The following PBX3 variants were observed in gnomAD, a reference collection of about 807,000 sequenced individuals.
PBX3 encodes PBX homeobox 3, also known as pre-B-cell leukemia transcription factor 3.
A neutral mutation model predicts 48.5 loss-of-function variants in PBX3; 14 were observed. The ratio of observed to expected loss-of-function variants is 0.29; its 90% confidence interval spans 0.19 to 0.45. PBX3 has a LOEUF of 0.45. PBX3 is among the 20% of genes least tolerant of loss of function. PBX3 has a pLI of 1.00. For synonymous variants in PBX3, 210 were observed against 200.3 expected (o/e 1.05, Z -0.41); for missense variants, 386 against 546.7 (o/e 0.71, Z 2.93).
chr9:125,757,061 A>G (rs1021505919), intron 2 of PBX3, among the ~76,000 whole-genome samples: 1 of 152,198 alleles, frequency 6.6e-6, no homozygotes, highest in Non-Finnish European at 1.5e-5. Flanking sequence ...AAGCCCTGCA[A>G]ATAATTTATA....
intron 3 of PBX3, among the ~76,000 whole-genome samples, chr9:125,918,457 T>G (rs1044428657): frequency 6.6e-6 from 1 of 152,218 alleles, no homozygotes; most frequent in African/African-American, 2.4e-5. Flanking sequence ...TTTTGTTTGT[T>G]TGTTTTTTTA....
At chr9:125,790,175 G>A (rs1180727760) in intron 2 of PBX3, among the ~76,000 whole-genome samples, 2 of 152,144 alleles carry the variant, frequency 1.3e-5, no homozygotes. Context: ...CTGTGTATGA[G>A]GGAAAGATAA....
intron 5 of PBX3, among the ~76,000 whole-genome samples, chr9:125,947,770 A>G (rs2118743235): frequency 6.6e-6 from 1 of 152,294 alleles, no homozygotes; most frequent in African/African-American, 2.4e-5. Flanking sequence ...GTGTTCTCTA[A>G]GAGACATATG....
At chr9:125,795,259 T>C (rs1837745877) in intron 2 of PBX3, among the ~76,000 whole-genome samples, 1 of 152,234 alleles carries the variant, frequency 6.6e-6, no homozygotes, top group South Asian at 2.1e-4. Context: ...TATAGTAAGA[T>C]ATTAGCATCT....
At chr9:125,798,601 C>G (rs985035002) in intron 2 of PBX3, among the ~76,000 whole-genome samples, 1 of 152,062 alleles carries the variant, frequency 6.6e-6, no homozygotes, top group Non-Finnish European at 1.5e-5. Flanking sequence ...CTGGAAACTT[C>G]TAGAGGGAAG....
rs1840221890 is a variant in PBX3, at chr9:125,875,244, CAT to C, written c.275-40441_275-40440del. On this transcript the variant is annotated intron_variant, in intron 2 of 8. Transcript: ENST00000373489. ...TTCTGATTCTTCTCATTTCTTTATA[CAT>C]GTTTTGTTTTGTAATTGAAATAACT... 3.3e-5 allele frequency among the ~76,000 whole-genome samples: 5 copies of C among 152,080 alleles called. No homozygotes were observed. In the South Asian group the frequency reaches 1.0e-3, roughly 31 times the overall value.
At chr9:125,923,991 A>G (rs1207927272) in intron 3 of PBX3, among the ~76,000 whole-genome samples, 1 of 151,844 alleles carries the variant, frequency 6.6e-6, no homozygotes. Flanking sequence ...CAACCCCCCT[A>G]GTAGCTGGGA....
chr9:125,756,162 A>T (rs570084864), intron 2 of PBX3, among the ~76,000 whole-genome samples: 22 of 152,260 alleles, frequency 1.4e-4, no homozygotes, highest in African/African-American at 2.4e-4. Flanking sequence ...ATTCATGGTT[A>T]AACTGCCCTT....
intron 2 of PBX3, among the ~76,000 whole-genome samples, chr9:125,876,697 C>T (rs1197101932): frequency 6.6e-6 from 1 of 152,020 alleles, no homozygotes; most frequent in African/African-American, 2.4e-5. Flanking sequence ...TTCAGATTTT[C>T]AACTGTGTAG....
chr9:125,875,474 A>G (rs1313743290), intron 2 of PBX3, among the ~76,000 whole-genome samples: 2 of 152,132 alleles, frequency 1.3e-5, no homozygotes, highest in Admixed American at 6.5e-5. Context: ...GCAAAAAAGT[A>G]TGTCTTTTGA....
intron 2 of PBX3, among the ~76,000 whole-genome samples, chr9:125,909,071 T>G (rs1441750914): frequency 6.6e-6 from 1 of 152,160 alleles, no homozygotes; most frequent in Non-Finnish European, 1.5e-5. Context: ...TCCAACAAGA[T>G]GCAGCTCCAT....
rs1468420692 is a variant in PBX3, at chr9:125,898,598, C to T, written c.275-17088C>T. 2.0e-5 allele frequency among the ~76,000 whole-genome samples: 3 copies of T among 151,700 alleles called. No individual in the cohort carries two copies. The East Asian group carries it at 5.8e-4, about 29-fold the overall frequency. ...GAACGTATGGAACATCTAGCTCAGCCCTCTCATTTGATAGATGAGGGAAAT... is the reference window on the plus strand; with the variant it reads ...GAACGTATGGAACATCTAGCTCAGCTCTCTCATTTGATAGATGAGGGAAAT... On this transcript the variant is annotated intron_variant, in intron 2 of 8. Coordinates refer to ENST00000373489, the MANE Select transcript of PBX3 (RefSeq NM_006195.6).
In PBX3 at chr9:125,770,832, C is replaced by T. The variant is rs560959675; in HGVS notation, c.274+22209C>T. Among the ~76,000 whole-genome samples, 52 of 152,310 alleles carry T rather than the reference C, an allele frequency of 3.4e-4. 2 individuals carry two copies. The South Asian group carries it at 0.011, about 32-fold the overall frequency. On this transcript the variant is annotated intron_variant, in intron 2 of 8. Transcript: ENST00000373489. Reference sequence around the variant, plus strand: ...AAAAAGAACCACCTCTTTGGCAAATCTTTCACAGTTGTGCCAAGAAAAGCA... The same window carrying T: ...AAAAAGAACCACCTCTTTGGCAAATTTTTCACAGTTGTGCCAAGAAAAGCA...
chr9:125,918,681 A>G (rs549678008), intron 3 of PBX3, among the ~76,000 whole-genome samples: 135 of 152,276 alleles, frequency 8.9e-4, no homozygotes, highest in Non-Finnish European at 1.7e-3. Context: ...CAGAATTTTA[A>G]TTTACACATT....
intron 2 of PBX3, among the ~76,000 whole-genome samples, chr9:125,845,332 A>T (rs1004073583): frequency 3.3e-5 from 5 of 152,234 alleles, no homozygotes; most frequent in Admixed American, 6.6e-5. Context: ...TAGGATGCAT[A>T]CAGTTGCATA....
intron 3 of PBX3, among the ~76,000 whole-genome samples, chr9:125,916,762 TGTTA>T (rs924886750): frequency 6.6e-6 from 1 of 152,230 alleles, no homozygotes; most frequent in Non-Finnish European, 1.5e-5. Flanking sequence ...ATATTTTAGT[TGTTA>T]GTTTAATGCT....
chr9:125,951,191 A>G (rs1842187641), intron 5 of PBX3, among the ~76,000 whole-genome samples: 1 of 152,192 alleles, frequency 6.6e-6, no homozygotes, highest in Non-Finnish European at 1.5e-5. Context: ...CACAAGTGGC[A>G]TTGGAATTCA....
intron 2 of PBX3, among the ~76,000 whole-genome samples, chr9:125,752,176 T>C (rs1369121927): frequency 6.6e-6 from 1 of 152,124 alleles, no homozygotes; most frequent in Non-Finnish European, 1.5e-5. Flanking sequence ...ATAGCGTTCA[T>C]TTACTAGTAA....
At chr9:125,847,107 C>T (rs1307367310) in intron 2 of PBX3, among the ~76,000 whole-genome samples, 1 of 151,912 alleles carries the variant, frequency 6.6e-6, no homozygotes, top group African/African-American at 2.4e-5. Flanking sequence ...AGAATTGCTT[C>T]ATAGGTTGTG....
Sources: gnomAD v4.1 joint callset for allele counts (sites outside exome capture counted in the v4.1 genomes callset) on GRCh38, gnomAD v4.1.1 for gene constraint, MANE v1.5 for transcripts, NCBI Gene and HGNC (gene_info 2026-07-23, HGNC 2026-07-21) for gene names.